PCDH9: variants seen among roughly 807,000 people sequenced by gnomAD.
The protein encoded by PCDH9 is protocadherin-9.
In PCDH9, 24 loss-of-function variants were observed where a neutral mutation model predicts 70.6. That is an observed-to-expected ratio of 0.34 (90% CI 0.25 to 0.48). The LOEUF (loss-of-function observed/expected upper bound fraction) is 0.48. Ranked by LOEUF, PCDH9 falls within the 20% of genes least tolerant of loss-of-function variation. PCDH9 has a pLI of 0.99. For synonymous variants in PCDH9, 562 were observed against 558.5 expected (o/e 1.01, Z -0.09); for missense variants, 1,281 against 1,503.6 (o/e 0.85, Z 2.45).
chr13:67,191,174 T>G (rs1241090163), intron 2 of PCDH9, among the ~76,000 whole-genome samples: 1 of 152,156 alleles, frequency 6.6e-6, no homozygotes, highest in South Asian at 2.1e-4. Flanking sequence ...AGTTTTACTA[T>G]AGGCTAAATT....
chr13:66,415,057 G>A (rs1163688923), intron 4 of PCDH9, among the ~76,000 whole-genome samples: 2 of 152,006 alleles, frequency 1.3e-5, no homozygotes, highest in African/African-American at 4.8e-5. Flanking sequence ...ATGTACATGA[G>A]GGAAATTGAT....
At chr13:66,589,909 T>C (rs975483403) in intron 4 of PCDH9, among the ~76,000 whole-genome samples, 7 of 152,202 alleles carry the variant, frequency 4.6e-5, no homozygotes, top group Admixed American at 4.6e-4. Flanking sequence ...TAAGAAGAAA[T>C]TTTTTCTTTT....
chr13:67,001,274 T>C (rs748913608), intron 2 of PCDH9, among the ~76,000 whole-genome samples: 2 of 152,226 alleles, frequency 1.3e-5, no homozygotes, highest in East Asian at 1.9e-4. Flanking sequence ...TAGTATTTAA[T>C]GTAAAACAGC....
intron 4 of PCDH9, among the ~76,000 whole-genome samples, chr13:66,507,355 G>T (rs1256671484): frequency 1.3e-5 from 2 of 152,058 alleles, no homozygotes; most frequent in Non-Finnish European, 2.9e-5. Context: ...ATTCAGAATT[G>T]GTATCACGGG....
chr13:67,096,798 G>A (rs1213799627), intron 2 of PCDH9, among the ~76,000 whole-genome samples: 2 of 152,020 alleles, frequency 1.3e-5, no homozygotes, highest in African/African-American at 4.8e-5. Context: ...GTGTGAGGGC[G>A]AGATACATGG....
chr13:67,057,813 A>G (rs916395536), intron 2 of PCDH9, among the ~76,000 whole-genome samples: 4 of 152,170 alleles, frequency 2.6e-5, no homozygotes, highest in African/African-American at 4.8e-5. Context: ...ACTCAGGTCA[A>G]TCAATACACT....
intron 4 of PCDH9, among the ~76,000 whole-genome samples, chr13:66,458,920 A>G (rs1344941006): frequency 6.6e-6 from 1 of 152,028 alleles, no homozygotes; most frequent in Non-Finnish European, 1.5e-5. Flanking sequence ...ATGTTTATGC[A>G]GTGGAAAAAT....
chr13:66,532,500 C>T (rs1392559095), intron 4 of PCDH9, among the ~76,000 whole-genome samples: 5 of 152,032 alleles, frequency 3.3e-5, no homozygotes, highest in Admixed American at 6.6e-5. Flanking sequence ...GGCAATGAAT[C>T]GAAATGCTAT....
At chr13:66,371,128 A>G (rs1593871803) in intron 4 of PCDH9, among the ~76,000 whole-genome samples, 1 of 152,120 alleles carries the variant, frequency 6.6e-6, no homozygotes, top group African/African-American at 2.4e-5. Flanking sequence ...TAAAAGAAAT[A>G]CTGTGAGTTC....
chr13:67,166,270 A>G (rs2088114236), intron 2 of PCDH9, among the ~76,000 whole-genome samples: 1 of 152,162 alleles, frequency 6.6e-6, no homozygotes, highest in East Asian at 1.9e-4. Context: ...TTAGATATGG[A>G]TAAGTGACAT....
intron 3 of PCDH9, among the ~76,000 whole-genome samples, chr13:66,737,493 C>T (rs903443086): frequency 6.6e-6 from 1 of 152,156 alleles, no homozygotes; most frequent in African/African-American, 2.4e-5. Context: ...GGGGGAGGAG[C>T]CAAGATGGCC....
intron 3 of PCDH9, among the ~76,000 whole-genome samples, chr13:66,709,130 T>G (rs890400118): frequency 1.3e-5 from 2 of 152,138 alleles, no homozygotes; most frequent in Non-Finnish European, 2.9e-5. Context: ...CCTGTACAAC[T>G]TCCTAGAAGG....
intron 2 of PCDH9, among the ~76,000 whole-genome samples, chr13:66,997,840 C>T (rs979991945): frequency 6.6e-6 from 1 of 151,938 alleles, no homozygotes; most frequent in Non-Finnish European, 1.5e-5. Context: ...GACTGGAGGT[C>T]ATATTTCAAC....
intron 3 of PCDH9, among the ~76,000 whole-genome samples, chr13:66,859,451 T>A (rs938890787): frequency 2.0e-5 from 3 of 152,200 alleles, no homozygotes; most frequent in Non-Finnish European, 4.4e-5. Context: ...GTTAGGTTGA[T>A]TAATTGTATT....
intron 4 of PCDH9, among the ~76,000 whole-genome samples, chr13:66,483,367 T>C (rs1373943803): frequency 3.3e-5 from 5 of 152,100 alleles, no homozygotes; most frequent in East Asian, 1.9e-4. Context: ...CAAGGGACAA[T>C]TGGAGTGAGA....
chr13:67,011,906 T>G (rs2084458770), intron 2 of PCDH9, among the ~76,000 whole-genome samples: 1 of 151,930 alleles, frequency 6.6e-6, no homozygotes, highest in African/African-American at 2.4e-5. Flanking sequence ...TTGAAATTCA[T>G]CTTTCTTTTA....
intron 4 of PCDH9, among the ~76,000 whole-genome samples, chr13:66,363,344 T>C (rs1166310514): frequency 6.6e-6 from 1 of 152,214 alleles, no homozygotes; most frequent in Non-Finnish European, 1.5e-5. Flanking sequence ...CTTGTATCTT[T>C]TTAGTTTTTT....
At chr13:66,643,848 T>A (rs1349103873) in intron 3 of PCDH9, among the ~76,000 whole-genome samples, 1 of 151,982 alleles carries the variant, frequency 6.6e-6, no homozygotes, top group African/African-American at 2.4e-5. Flanking sequence ...ATCTAAAGGA[T>A]ATACACAGAA....
chr13:66,577,934 G>A (rs1289522357), intron 4 of PCDH9, among the ~76,000 whole-genome samples: 3 of 152,046 alleles, frequency 2.0e-5, no homozygotes, highest in Non-Finnish European at 4.4e-5. Flanking sequence ...TGCTGATGCT[G>A]AGGGAAAGGT....
Sources: allele counts gnomAD v4.1 joint callset (sites outside exome capture counted in the v4.1 genomes callset), GRCh38; gene constraint gnomAD v4.1.1; transcripts MANE v1.5; gene names NCBI Gene and HGNC (gene_info 2026-07-23, HGNC 2026-07-21).